The following NEBL variants were observed in gnomAD, a reference collection of about 807,000 sequenced individuals.
The protein encoded by NEBL is nebulette.
NEBL carries 122 observed loss-of-function variants against 140.2 expected under a neutral mutation model. The ratio of observed to expected loss-of-function variants is 0.87; its 90% confidence interval spans 0.75 to 1.01. The LOEUF is 1.01. Among genes scored for constraint, NEBL ranks in the 50% least tolerant of loss-of-function variants. The pLI, the probability that NEBL is intolerant of heterozygous loss-of-function variation, is 0.00. For synonymous variants in NEBL, 436 were observed against 398.9 expected, an observed-to-expected ratio of 1.09 and a Z score of -1.11; for missense variants, 1,365 against 1,231.3, an observed-to-expected ratio of 1.11 and a Z score of -1.62.
At position 21,217,722 on chromosome 10, in the gene NEBL, T is replaced by C. The variant is rs148819956; in HGVS notation, n.348+30199A>G. 3.4e-3 allele frequency among the ~76,000 whole-genome samples: 514 copies of C among 152,344 alleles called. 3 individuals are homozygous for C. Among genetic ancestry groups the C allele is most frequent in the African/African-American group, 0.012 (494 of 41,586 alleles). On this transcript the variant is annotated intron_variant and non_coding_transcript_variant, in intron 3 of 8. Coordinates refer to the NEBL transcript ENST00000675702. ...GTATTACTTGAAGATTCATGGTATTTGTGACAATTCTGCCACAAATGAAAT... is the reference window on the plus strand; with the variant it reads ...GTATTACTTGAAGATTCATGGTATTCGTGACAATTCTGCCACAAATGAAAT...
chr10:20,905,733 T>G (rs998649959), intron 4 of NEBL, among the ~76,000 whole-genome samples: 1 of 152,130 alleles, frequency 6.6e-6, no homozygotes, highest in Non-Finnish European at 1.5e-5. Context: ...AGACAAGAGT[T>G]GAAAGAACCA....
chr10:21,103,180 T>G (rs1158395752), intron 2 of NEBL, among the ~76,000 whole-genome samples: 3 of 151,942 alleles, frequency 2.0e-5, no homozygotes, highest in Non-Finnish European at 4.4e-5. Flanking sequence ...CAGGAGCATA[T>G]GAGAGTTCCA....
At chr10:20,869,624 T>C (rs1001756917) in intron 6 of NEBL, 116 bp downstream of exon 6, 4 of 741,250 alleles carry the variant, frequency 5.4e-6, no homozygotes, top group Non-Finnish European at 9.8e-6. Context: ...TGAGATGTAT[T>C]CATTTATATT....
At chr10:20,914,051 T>C (rs543133396) in intron 4 of NEBL, among the ~76,000 whole-genome samples, 1 of 152,320 alleles carries the variant, frequency 6.6e-6, no homozygotes, top group East Asian at 1.9e-4. Flanking sequence ...GCACAGACTA[T>C]GAATCAATCA....
chr10:20,794,366 AT>A (rs1836299185), intron 26 of NEBL, among the ~76,000 whole-genome samples: 1 of 152,186 alleles, frequency 6.6e-6, no homozygotes, highest in African/African-American at 2.4e-5. Flanking sequence ...GCTAAATGTT[AT>A]TTCTATTCCT....
chr10:21,227,761 T>TTCTG (rs1842187200), intron 3 of NEBL, among the ~76,000 whole-genome samples: 2 of 149,618 alleles, frequency 1.3e-5, no homozygotes, highest in African/African-American at 5.0e-5. Context: ...TTCTTCTTCT[T>TTCTG]CTTCTTCTTT....
intron 3 of NEBL, among the ~76,000 whole-genome samples, chr10:21,010,662 T>A (rs1017766373): frequency 8.5e-5 from 13 of 152,116 alleles, no homozygotes; most frequent in African/African-American, 2.9e-4. Context: ...TTCATAAAAG[T>A]ATACAAATAT....
At position 20,928,611 on chromosome 10, in the gene NEBL, G is replaced by A. The variant is rs1222517325; in HGVS notation, c.357+33061C>T. Among the ~76,000 whole-genome samples, 4 of 152,140 alleles carry A rather than the reference G, an allele frequency of 2.6e-5. 1 individual carries two copies. Among genetic ancestry groups the A allele is most frequent in the Admixed American group, 1.3e-4 (2 of 15,266 alleles). On this transcript the variant is annotated intron_variant, in intron 4 of 6. Transcript: ENST00000417816. ...TCACTTTCCCCTGCCCAAAACTGTA[G>A]ACATATTTTCTGCTTTCCCTTCTGA... is the stretch of plus-strand genomic sequence containing the variant.
intron 2 of NEBL, chr10:21,030,107 G>A (rs1229186267): frequency 6.3e-6 from 3 of 474,926 alleles, no homozygotes; most frequent in East Asian, 4.8e-5. Flanking sequence ...GGCAAAGCCC[G>A]TTGATAGAGC....
At chr10:21,063,513 A>C (rs2131885248) in intron 2 of NEBL, among the ~76,000 whole-genome samples, 1 of 152,300 alleles carries the variant, frequency 6.6e-6, no homozygotes, top group African/African-American at 2.4e-5. Flanking sequence ...GACAGAAATC[A>C]CCCAAGTTTT....
At chr10:20,942,880 C>T (rs1589050521) in intron 4 of NEBL, among the ~76,000 whole-genome samples, 1 of 152,146 alleles carries the variant, frequency 6.6e-6, no homozygotes. Flanking sequence ...AAATCAAAAC[C>T]ACAATGAGAT....
intron 4 of NEBL, among the ~76,000 whole-genome samples, chr10:20,885,894 AT>A (rs1335591507): frequency 2.0e-5 from 3 of 152,218 alleles, no homozygotes; most frequent in South Asian, 4.1e-4. Context: ...GACATCATAT[AT>A]TTTAAGCTGC....
At chr10:20,949,686 G>A (rs1447286554) in intron 4 of NEBL, among the ~76,000 whole-genome samples, 1 of 151,862 alleles carries the variant, frequency 6.6e-6, no homozygotes, top group Non-Finnish European at 1.5e-5. Context: ...TTCTATACTT[G>A]AACATTTGCA....
chr10:21,260,589 C>G (rs1842726016), intron 1 of NEBL, among the ~76,000 whole-genome samples: 2 of 152,162 alleles, frequency 1.3e-5, no homozygotes, highest in Non-Finnish European at 1.5e-5. Context: ...GCCCCAGGCT[C>G]TGAATCACTA....
intron 3 of NEBL, among the ~76,000 whole-genome samples, chr10:21,180,554 G>A (rs934199502): frequency 3.3e-5 from 5 of 152,110 alleles, no homozygotes; most frequent in Non-Finnish European, 7.3e-5. Context: ...AAGCATTCTA[G>A]GTAGTTTGCA....
intron 3 of NEBL, among the ~76,000 whole-genome samples, chr10:21,233,240 G>T (rs1158178630): frequency 6.6e-6 from 1 of 152,056 alleles, no homozygotes; most frequent in East Asian, 1.9e-4. Context: ...TAGAGATGAG[G>T]TTTCATCATG....
intron 4 of NEBL, among the ~76,000 whole-genome samples, chr10:20,916,081 T>C (rs1848543155): frequency 6.6e-6 from 1 of 152,206 alleles, no homozygotes; most frequent in South Asian, 2.1e-4. Flanking sequence ...TTTTATTTAC[T>C]AGATGAGAAG....
intron 1 of NEBL, among the ~76,000 whole-genome samples, chr10:21,290,955 T>A (rs971447608): frequency 2.6e-5 from 4 of 152,176 alleles, no homozygotes; most frequent in Non-Finnish European, 5.9e-5. Flanking sequence ...GTCAGTTCAT[T>A]TCAGCAGACT....
intron 2 of NEBL, among the ~76,000 whole-genome samples, chr10:20,893,339 G>A (rs1847186022): frequency 6.6e-6 from 1 of 152,184 alleles, no homozygotes; most frequent in South Asian, 2.1e-4. Context: ...AAATATGACA[G>A]AGAGAATATC....
Sources: allele counts gnomAD v4.1 joint callset (sites outside exome capture counted in the v4.1 genomes callset), GRCh38; gene constraint gnomAD v4.1.1; transcripts MANE v1.5; gene names NCBI Gene and HGNC (gene_info 2026-07-23, HGNC 2026-07-21).